The following PTPRC variants were observed in gnomAD, a reference collection of about 807,000 sequenced individuals.
PTPRC encodes the protein receptor-type tyrosine-protein phosphatase C.
PTPRC carries 44 observed loss-of-function variants against 155.9 expected under a neutral mutation model. The ratio of observed to expected loss-of-function variants is 0.28; its 90% CI spans 0.22 to 0.36. The LOEUF (loss-of-function observed/expected upper bound fraction) is 0.36, where lower values mean the gene tolerates loss of function less well. PTPRC is among the 10% of genes least tolerant of loss of function. The pLI is 1.00. For missense variants in PTPRC, 1,401 were observed against 1,564.6 expected (o/e 0.90, Z 1.76); for synonymous variants, 525 against 533.1 (o/e 0.98, Z 0.21).
chr1:198,690,441 G>A (rs1665866051), intron 2 of PTPRC, among the ~76,000 whole-genome samples: 1 of 151,336 alleles, frequency 6.6e-6, no homozygotes, highest in East Asian at 1.9e-4. Flanking sequence ...AGGGACAAAA[G>A]TACAAACAAT....
chr1:198,732,230 C>T (rs377144724), intron 18 of PTPRC, 70 bp from the exon 19 acceptor site: 17 of 1,197,350 alleles, frequency 1.4e-5, no homozygotes, highest in Admixed American at 1.0e-4. Flanking sequence ...TTACTCAAAA[C>T]GGTCATTGGT....
chr1:198,638,755 T>A (rs1476957657), upstream of PTPRC: 1 of 155,958 alleles, frequency 6.4e-6, no homozygotes, highest in Non-Finnish European at 1.4e-5. Flanking sequence ...CATTTTGTTA[T>A]ACTTATGCTG....
chr1:198,676,550 A>G (rs1009341611), intron 2 of PTPRC, among the ~76,000 whole-genome samples: 6 of 152,166 alleles, frequency 3.9e-5, no homozygotes, highest in African/African-American at 1.4e-4. Flanking sequence ...TTCAGAACCC[A>G]GGGGAGGGGG....
intron 2 of PTPRC, 33 bp from the exon 3 acceptor site, chr1:198,692,314 A>G: frequency 6.7e-7 from 1 of 1,490,396 alleles, no homozygotes; most frequent in Non-Finnish European, 9.1e-7. Context: ...GAAATTTGAA[A>G]TTTTCTAAGA....
At chr1:198,750,025 A>G (rs1055059562) in intron 28 of PTPRC, among the ~76,000 whole-genome samples, 8 of 143,620 alleles carry the variant, frequency 5.6e-5, no homozygotes, top group African/African-American at 2.2e-4. Flanking sequence ...CATTTATTAA[A>G]TATTTATTAT....
intron 3 of PTPRC, among the ~76,000 whole-genome samples, chr1:198,695,663 T>G (rs1666168633): frequency 6.6e-6 from 1 of 152,182 alleles, no homozygotes; most frequent in African/African-American, 2.4e-5. Flanking sequence ...ATTTCACTAC[T>G]ACTTTGTCAC....
intron 30 of PTPRC, 78 bp from the exon 31 acceptor site, chr1:198,752,516 T>C: frequency 6.5e-7 from 1 of 1,529,768 alleles, no homozygotes; most frequent in Admixed American, 1.7e-5. Flanking sequence ...GAAGTAACTG[T>C]GAAGAAAATA....
intron 2 of PTPRC, among the ~76,000 whole-genome samples, chr1:198,652,055 A>G (rs1663282514): frequency 6.6e-6 from 1 of 151,838 alleles, no homozygotes; most frequent in Non-Finnish European, 1.5e-5. Context: ...AATATGATCT[A>G]TCGGTATTTA....
rs76565420 is a variant in PTPRC at position 198,705,131 on chromosome 1, T to C, written c.685+633T>C. On this transcript the variant is annotated intron_variant, in intron 8 of 32. Transcript: ENST00000442510. ...AACAGTTTGTCTCTCTTTTTTTTTTTCTCATTTTCTTCCTTGATTCTCAGT... is the reference window on the plus strand; with the variant it reads ...AACAGTTTGTCTCTCTTTTTTTTTTCCTCATTTTCTTCCTTGATTCTCAGT... 3.3e-5 allele frequency among the ~76,000 whole-genome samples: 5 copies of C among 152,060 alleles called. No individual in the cohort carries two copies. The East Asian group carries it at 9.6e-4, about 29-fold the overall frequency.
At chr1:198,750,820 C>CTGTT (rs1436658567) in intron 29 of PTPRC, among the ~76,000 whole-genome samples, 194 bp downstream of exon 29, 1 of 151,972 alleles carries the variant, frequency 6.6e-6, no homozygotes, top group Non-Finnish European at 1.5e-5. Context: ...ACAGTCTCTC[C>CTGTT]TGTTTGTCCC....
At chr1:198,646,957 G>A (rs1662971733) in intron 2 of PTPRC, among the ~76,000 whole-genome samples, 1 of 151,878 alleles carries the variant, frequency 6.6e-6, no homozygotes, top group Non-Finnish European at 1.5e-5. Context: ...ACACACATAT[G>A]TAATTGAATC....
At position 198,742,051 on chromosome 1, in the gene PTPRC, A is replaced by C. The variant is rs7523138; in HGVS notation, c.2561+25A>C. 5.2e-4 allele frequency: 837 copies of C among 1,606,876 alleles called. 1 individual carries two copies. The highest frequency in any genetic ancestry group is 2.7e-3 in the East Asian group (122 of 44,474). On this transcript the variant is annotated intron_variant, in intron 24 of 32. Transcript: ENST00000442510. ...GGTAGGAAAAACGAACAAAAAAAAA[A>C]AACAACAACAAAAAAACTCCAACAG... is the stretch of plus-strand genomic sequence containing the variant.
Position 198,742,214 on chromosome 1 carries a change from T to A in PTPRC, c.2562-18T>A, listed in dbSNP as rs767315084. On this transcript the variant is annotated intron_variant, in intron 24 of 32. Transcript: ENST00000442510. ...TTTCCATGATCATGCCTCTGCTTTT[T>A]TTTGCTTGGTTTGCCAGTGCTGGTG... 18 of 1,612,078 alleles carry A rather than the reference T, an allele frequency of 1.1e-5. No individual in the cohort carries two copies. Among genetic ancestry groups the A allele is most frequent in the Non-Finnish European group, 5.1e-6 (6 of 1,178,816 alleles).
intron 15 of PTPRC, among the ~76,000 whole-genome samples, chr1:198,727,222 T>C (rs1337062734): frequency 6.6e-6 from 1 of 152,146 alleles, no homozygotes; most frequent in Non-Finnish European, 1.5e-5. Flanking sequence ...TGAAAACTAA[T>C]ATTATCTCTG....
At chr1:198,715,679 G>A (rs1653552615) in intron 12 of PTPRC, among the ~76,000 whole-genome samples, 1 of 151,538 alleles carries the variant, frequency 6.6e-6, no homozygotes, top group South Asian at 2.1e-4. Flanking sequence ...TAATCTCTCT[G>A]TGGCTCAGTT....
At chr1:198,663,225 C>G (rs1377777241) in intron 2 of PTPRC, among the ~76,000 whole-genome samples, 1 of 152,246 alleles carries the variant, frequency 6.6e-6, no homozygotes, top group Admixed American at 6.5e-5. Flanking sequence ...ACACCTGCTT[C>G]CCTCTATTCC....
intron 3 of PTPRC, 119 bp downstream of exon 3, chr1:198,692,492 A>G: frequency 4.4e-6 from 5 of 1,132,874 alleles, no homozygotes; most frequent in Non-Finnish European, 4.6e-6. Context: ...TTTTATAATC[A>G]TGAGTGATTC....
intron 2 of PTPRC, among the ~76,000 whole-genome samples, chr1:198,678,674 G>A (rs1665102675): frequency 6.6e-6 from 1 of 152,128 alleles, no homozygotes; most frequent in Non-Finnish European, 1.5e-5. Context: ...GTGAGCGACA[G>A]CACCATAAAA....
chr1:198,736,227 T>G (rs1458312577), intron 23 of PTPRC, among the ~76,000 whole-genome samples: 2 of 151,742 alleles, frequency 1.3e-5, no homozygotes, highest in East Asian at 3.9e-4. Flanking sequence ...TTGAAATGTA[T>G]AATAAATTAT....
Sources: allele counts gnomAD v4.1 joint callset (sites outside exome capture counted in the v4.1 genomes callset), GRCh38; gene constraint gnomAD v4.1.1; transcripts MANE v1.5; gene names NCBI Gene and HGNC (gene_info 2026-07-23, HGNC 2026-07-21).